The following ESRRG variants were observed in gnomAD, a reference collection of about 807,000 sequenced individuals.
The protein encoded by ESRRG is estrogen related receptor gamma, also known as estrogen-related receptor gamma.
In ESRRG, 13 loss-of-function variants were observed where a neutral mutation model predicts 44.0. The ratio of observed to expected loss-of-function variants is 0.30; its 90% confidence interval spans 0.19 to 0.47. The LOEUF (loss-of-function observed/expected upper bound fraction) is 0.47, where lower values mean the gene tolerates loss of function less well. Among genes scored for constraint, ESRRG ranks in the 20% least tolerant of loss-of-function variants. ESRRG has a pLI of 1.00. For synonymous variants in ESRRG, 215 were observed against 214.6 expected (o/e 1.00, Z -0.02); for missense variants, 395 against 580.6 (o/e 0.68, Z 3.29).
intron 5 of ESRRG, among the ~76,000 whole-genome samples, chr1:216,529,622 A>G (rs6683007): frequency 0.34 from 52,071 of 151,984 alleles, 9,046 homozygotes; most frequent in Non-Finnish European, 0.35. Flanking sequence ...ACAACAAATT[A>G]TTGGCACTTC....
At chr1:216,779,443 A>AATACTTATAAATATAAATATAAATAT (rs2093801619) in intron 2 of ESRRG, among the ~76,000 whole-genome samples, 1 of 5,418 alleles carries the variant, frequency 1.8e-4, no homozygotes, top group Non-Finnish European at 4.2e-4. Flanking sequence ...TATAAAAATA[A>AATACTTATAAATATAAATATAAATAT]ATATTTATAA....
At position 216,870,976 on chromosome 1, in the gene ESRRG, A is replaced by T. The variant is rs547555881; in HGVS notation, c.-14+68606T>A. ...ATTTTATCTATTGTCTTTCTGATTT[A>T]AACTATTAATTTATGCTTATATCTT... On this transcript the variant is annotated intron_variant, in intron 2 of 7. Coordinates refer to the ESRRG transcript ENST00000359162. Among the ~76,000 whole-genome samples, 15 of 152,062 alleles carry T rather than the reference A, an allele frequency of 9.9e-5. No individual in the cohort carries two copies. The South Asian group carries it at 2.9e-3, about 29-fold the overall frequency.
chr1:217,053,643 C>A (rs1200306281), intron 1 of ESRRG, among the ~76,000 whole-genome samples: 9 of 152,062 alleles, frequency 5.9e-5, no homozygotes, highest in Admixed American at 3.9e-4. Context: ...AAAATGAGTT[C>A]TTGTGTTCCA....
At chr1:216,978,562 G>A (rs1332111484) in intron 1 of ESRRG, among the ~76,000 whole-genome samples, 1 of 152,040 alleles carries the variant, frequency 6.6e-6, no homozygotes, top group Non-Finnish European at 1.5e-5. Context: ...CACTGCAAAG[G>A]GACATCCAAT....
intron 2 of ESRRG, among the ~76,000 whole-genome samples, chr1:216,796,262 AC>A (rs1380597849): frequency 6.6e-6 from 1 of 152,114 alleles, no homozygotes; most frequent in Non-Finnish European, 1.5e-5. Context: ...GTACACCCTT[AC>A]CCCACTTCCC....
chr1:217,029,061 A>T (rs1192864843), intron 1 of ESRRG, among the ~76,000 whole-genome samples: 2 of 4,636 alleles, frequency 4.3e-4, no homozygotes. Flanking sequence ...GAAAAACTTA[A>T]AAAAAAAAAA....
chr1:216,514,732 C>G (rs778808807), intron 6 of ESRRG, among the ~76,000 whole-genome samples: 1 of 152,120 alleles, frequency 6.6e-6, no homozygotes, highest in African/African-American at 2.4e-5. Context: ...GCATGATTAT[C>G]AGCTTTCTTC....
intron 1 of ESRRG, chr1:217,076,838 A>G (rs1384335169): frequency 6.6e-6 from 1 of 152,174 alleles, no homozygotes; most frequent in African/African-American, 2.4e-5. Context: ...TGTTTCTAAA[A>G]TAAAGGTACT....
chr1:216,730,305 T>TAA (rs11445965), intron 2 of ESRRG, among the ~76,000 whole-genome samples: 43,119 of 121,092 alleles, frequency 0.36, 7,487 homozygotes, highest in East Asian at 0.5. Context: ...CTTAGAAAGG[T>TAA]AAAAAAAAAA....
intron 2 of ESRRG, among the ~76,000 whole-genome samples, chr1:216,875,736 G>A (rs757981689): frequency 2.4e-4 from 37 of 152,014 alleles, no homozygotes; most frequent in Middle Eastern, 3.4e-3. Flanking sequence ...AAGATATTTC[G>A]TATGTATCTT....
At chr1:216,582,953 T>C (rs2149836966) in intron 3 of ESRRG, among the ~76,000 whole-genome samples, 1 of 151,734 alleles carries the variant, frequency 6.6e-6, no homozygotes, top group Admixed American at 6.6e-5. Flanking sequence ...ATAGAAAACC[T>C]AAAGTGGTGG....
At chr1:216,682,371 T>C (rs529099510) in intron 1 of ESRRG, among the ~76,000 whole-genome samples, 1 of 152,204 alleles carries the variant, frequency 6.6e-6, no homozygotes, top group Non-Finnish European at 1.5e-5. Context: ...TTCTTTGTCA[T>C]CCTTAAGGGC....
rs114272362 is a variant in ESRRG at position 217,028,052 on chromosome 1, C to T, written c.-106+61455G>A. Among the ~76,000 whole-genome samples the T allele has an allele frequency of 1.5e-3, 222 of 152,228 alleles. 1 individual carries two copies. Among genetic ancestry groups the T allele is most frequent in the Admixed American group, 3.4e-3 (52 of 15,280 alleles). On this transcript the variant is annotated intron_variant, in intron 1 of 7. Coordinates refer to the ESRRG transcript ENST00000359162. ...ACGAGAATCACAAAAACTCAAGTGGCGCACAGATTTGGCCTTGCATTTCCC... is the reference window on the plus strand; with the variant it reads ...ACGAGAATCACAAAAACTCAAGTGGTGCACAGATTTGGCCTTGCATTTCCC...
At chr1:216,607,517 A>C (rs893355064) in intron 3 of ESRRG, among the ~76,000 whole-genome samples, 2 of 152,004 alleles carry the variant, frequency 1.3e-5, no homozygotes, top group African/African-American at 4.8e-5. Flanking sequence ...TACAGCATCA[A>C]CTCCGTGTGT....
At chr1:217,010,606 G>A (rs1196733341) in intron 1 of ESRRG, among the ~76,000 whole-genome samples, 5 of 152,162 alleles carry the variant, frequency 3.3e-5, no homozygotes, top group African/African-American at 1.2e-4. Flanking sequence ...GCGCTTGACA[G>A]TGATCTTCAT....
chr1:216,988,206 T>C (rs772666900), intron 1 of ESRRG, among the ~76,000 whole-genome samples: 23 of 152,212 alleles, frequency 1.5e-4, no homozygotes, highest in Admixed American at 2.6e-4. Context: ...CCTATTACTT[T>C]ACTTATTATC....
Position 216,857,024 on chromosome 1 carries a change from C to T in ESRRG, c.-14+82558G>A, listed in dbSNP as rs569908155. Among the ~76,000 whole-genome samples, 4 of 152,130 alleles carry T rather than the reference C, an allele frequency of 2.6e-5. No individual in the cohort carries two copies. In the East Asian group the frequency reaches 7.7e-4, roughly 29 times the overall value. ...CTCTTTTTTTTCTCCTTGCTATTGT[C>T]TTGCTGCACCGGTCTGCAAACAAAT... On this transcript the variant is annotated intron_variant, in intron 2 of 7. Transcript: ENST00000359162.
chr1:216,791,044 C>G (rs1252174418), intron 2 of ESRRG, among the ~76,000 whole-genome samples: 1 of 152,072 alleles, frequency 6.6e-6, no homozygotes, highest in Non-Finnish European at 1.5e-5. Flanking sequence ...CAAAAGCATT[C>G]TTTACTTAGA....
intron 1 of ESRRG, among the ~76,000 whole-genome samples, chr1:217,076,012 A>G (rs182802511): frequency 6.6e-6 from 1 of 152,348 alleles, no homozygotes; most frequent in African/African-American, 2.4e-5. Flanking sequence ...ACAATGATGC[A>G]TCTATTCAGA....
Sources: allele counts gnomAD v4.1 joint callset (sites outside exome capture counted in the v4.1 genomes callset), GRCh38; gene constraint gnomAD v4.1.1; transcripts MANE v1.5; gene names NCBI Gene and HGNC (gene_info 2026-07-23, HGNC 2026-07-21).